Variants in SLC38A9 observed in about 807,000 individuals in gnomAD.
SLC38A9 encodes the protein solute carrier family 38 member 9, also known as neutral amino acid transporter 9.
SLC38A9 carries 48 observed loss-of-function variants against 62.3 expected under a neutral mutation model. That is an observed-to-expected ratio of 0.77 (90% CI 0.61 to 0.98). The LOEUF (loss-of-function observed/expected upper bound fraction) is 0.98, where lower values mean the gene tolerates loss of function less well. SLC38A9 is among the 50% of genes least tolerant of loss of function. The pLI is 0.00. For missense variants in SLC38A9, 541 were observed against 679.8 expected (o/e 0.80, Z 2.27); for synonymous variants, 204 against 227.7 (o/e 0.90, Z 0.94).
At chr5:55,692,483 A>AT (rs937621007) in intron 3 of SLC38A9, 3 of 278,476 alleles carry the variant, frequency 1.1e-5, no homozygotes, top group African/African-American at 2.3e-5. Context: ...AGGTACTTAC[A>AT]TTTTTTCTCA....
intron 9 of SLC38A9, among the ~76,000 whole-genome samples, chr5:55,656,218 A>T (rs1338625301): frequency 1.3e-5 from 2 of 151,430 alleles, no homozygotes; most frequent in African/African-American, 4.8e-5. Flanking sequence ...GTATTAATAA[A>T]TAAATTGAAA....
Position 55,672,617 on chromosome 5 carries a change from C to G in SLC38A9, c.192G>C (p.Met64Ile), listed in dbSNP as rs921072949. 4 of 1,613,994 alleles carry G rather than the reference C, an allele frequency of 2.5e-6. No individual in the cohort carries two copies. In the African/African-American group the frequency reaches 4.0e-5, roughly 16 times the overall value. ...GGCTGTAGTAATGAATTCTCTTGTT[C>G]ATGGCAGAGGCATGGTCACTAACCC... ...IQRVSDHASA[M>I]NKRIHYYSRL... The change falls in exon 4 of 16, where the codon ATG becomes ATC. Residue 64 changes from methionine to isoleucine, a missense_variant. Transcript: ENST00000396865.
chr5:55,669,549 A>T lies in SLC38A9; in HGVS notation c.432+8T>A, dbSNP rs199841280. 1.1e-5 allele frequency: 17 copies of T among 1,596,324 alleles called. No individual in the cohort carries two copies. In the Admixed American group the frequency reaches 1.7e-4, roughly 16 times the overall value. On this transcript the variant is annotated splice_region_variant and intron_variant, in intron 6 of 15. Coordinates refer to ENST00000396865, the MANE Select transcript of SLC38A9 (RefSeq NM_173514.4). ...TAGGCAAAAAGTGTGCTGAAAAATT[A>T]GTATTACCTGTTTTATGCCCCAAGG...
intron 3 of SLC38A9, among the ~76,000 whole-genome samples, chr5:55,678,818 C>T (rs951744782): frequency 1.3e-5 from 2 of 151,268 alleles, no homozygotes; most frequent in Non-Finnish European, 2.9e-5. Context: ...GTGCCACATG[C>T]CTGATTAATT....
intron 7 of SLC38A9, among the ~76,000 whole-genome samples, chr5:55,667,217 T>C (rs1416986659): frequency 9.7e-5 from 10 of 102,594 alleles, no homozygotes; most frequent in Non-Finnish European, 1.9e-4. Context: ...CTAGTTTTTA[T>C]ATTATTTAGG....
chr5:55,669,738 CA>C lies in SLC38A9; in HGVS notation c.368+19del. 6.2e-7 allele frequency: 1 copy of C among 1,607,158 alleles called. No homozygotes were observed. The stretch of plus-strand genomic sequence containing the variant: ...TCCATATACAGTTTAAGTCATGCTC[CA>C]AAAAGCAGTTTCACTCACATGGTTA... On this transcript the variant is annotated intron_variant, in intron 5 of 15. Transcript: ENST00000396865.
intron 3 of SLC38A9, among the ~76,000 whole-genome samples, chr5:55,682,504 A>G (rs1165007869): frequency 6.6e-6 from 1 of 152,204 alleles, no homozygotes; most frequent in East Asian, 1.9e-4. Context: ...AAATATATAC[A>G]TGTATAGGCT....
At chr5:55,645,248 T>TCTAA (rs1351839923) in intron 12 of SLC38A9, among the ~76,000 whole-genome samples, 1 of 152,060 alleles carries the variant, frequency 6.6e-6, no homozygotes, top group East Asian at 1.9e-4. Flanking sequence ...AGAGACAGGG[T>TCTAA]CTAACCATGT....
intron 1 of SLC38A9, among the ~76,000 whole-genome samples, chr5:55,711,760 G>C (rs1427914218): frequency 6.6e-6 from 1 of 152,100 alleles, no homozygotes; most frequent in Non-Finnish European, 1.5e-5. Flanking sequence ...AGCCGTGATC[G>C]CGCCACCTCA....
intron 14 of SLC38A9, among the ~76,000 whole-genome samples, chr5:55,629,432 A>T (rs1743035456): frequency 6.6e-6 from 1 of 152,196 alleles, no homozygotes; most frequent in Non-Finnish European, 1.5e-5. Context: ...AAAGTCCTTG[A>T]TAAAGGAGTA....
At position 55,671,717 on chromosome 5, in the gene SLC38A9, G is replaced by A. The variant is rs201016222; in HGVS notation, c.246+846C>T. Among the ~76,000 whole-genome samples, 13 of 152,020 alleles carry A rather than the reference G, an allele frequency of 8.6e-5. No homozygotes were observed. In the East Asian group the frequency reaches 1.5e-3, roughly 18 times the overall value. Reference sequence around the variant, plus strand: ...ACAAAAATGAGCCAGGTGTGGTGGCGCACACCTGTAACCCCAGCTACTCAG... The same window carrying A: ...ACAAAAATGAGCCAGGTGTGGTGGCACACACCTGTAACCCCAGCTACTCAG... On this transcript the variant is annotated intron_variant, in intron 4 of 15. Coordinates refer to ENST00000396865, the MANE Select transcript of SLC38A9 (RefSeq NM_173514.4).
In SLC38A9 at chr5:55,695,412, C is replaced by A. The variant is rs189227819; in HGVS notation, c.113+2434G>T. ...TGGTTTTCCTAGGCAGAGGACCCTGCGGCCTTCTGCAGCGGTTGTGTCCCT... is the reference window on the plus strand; with the variant it reads ...TGGTTTTCCTAGGCAGAGGACCCTGAGGCCTTCTGCAGCGGTTGTGTCCCT... On this transcript the variant is annotated intron_variant, in intron 3 of 15. Coordinates refer to ENST00000396865, the MANE Select transcript of SLC38A9 (RefSeq NM_173514.4). Among the ~76,000 whole-genome samples, 4 of 88,502 alleles carry A rather than the reference C, an allele frequency of 4.5e-5. No homozygotes were observed. In the East Asian group the frequency reaches 1.1e-3, roughly 24 times the overall value. 58.1% of individuals were successfully genotyped at this position (88,502 alleles called of 152,430 possible).
At chr5:55,700,218 G>C (rs921356250) in intron 2 of SLC38A9, among the ~76,000 whole-genome samples, 9 of 151,982 alleles carry the variant, frequency 5.9e-5, no homozygotes, top group African/African-American at 2.2e-4. Flanking sequence ...GTGGGCGCCT[G>C]TAATTCCAGC....
At chr5:55,702,834 T>G (rs1756838119) in intron 2 of SLC38A9, 1 of 152,170 alleles carries the variant, frequency 6.6e-6, no homozygotes, top group Admixed American at 6.6e-5. Context: ...CACTTCCCTT[T>G]TCTCTTCTGC....
chr5:55,687,426 CAAAAAAAAAAAA>C (rs34476189), intron 3 of SLC38A9, among the ~76,000 whole-genome samples: 3 of 76,394 alleles, frequency 3.9e-5, no homozygotes, highest in African/African-American at 1.6e-4. Flanking sequence ...GACTCCGTCT[CAAAAAAAAAAAA>C]AAAAAAAAAA....
At chr5:55,636,770 G>T (rs887124292) in intron 12 of SLC38A9, among the ~76,000 whole-genome samples, 13 of 152,192 alleles carry the variant, frequency 8.5e-5, no homozygotes, top group African/African-American at 2.9e-4. Flanking sequence ...CAATCAGCTT[G>T]AAAGTAAGTT....
chr5:55,651,481 C>G (rs1747470786), intron 10 of SLC38A9, among the ~76,000 whole-genome samples: 1 of 151,902 alleles, frequency 6.6e-6, no homozygotes, highest in African/African-American at 2.4e-5. Flanking sequence ...AACTCCTGAC[C>G]TCGTGATCCA....
intron 12 of SLC38A9, among the ~76,000 whole-genome samples, chr5:55,639,008 T>C (rs1350338046): frequency 1.3e-5 from 2 of 152,030 alleles, no homozygotes; most frequent in African/African-American, 4.8e-5. Flanking sequence ...CTTTTTTTGG[T>C]AAGATACGAC....
intron 7 of SLC38A9, among the ~76,000 whole-genome samples, chr5:55,666,548 T>C (rs1750492567): frequency 6.6e-6 from 1 of 152,162 alleles, no homozygotes; most frequent in Non-Finnish European, 1.5e-5. Flanking sequence ...GACATTAGAA[T>C]ATGAGAATTC....
Sources: allele counts gnomAD v4.1 joint callset (sites outside exome capture counted in the v4.1 genomes callset), GRCh38; gene constraint gnomAD v4.1.1; transcripts MANE v1.5; gene names NCBI Gene and HGNC (gene_info 2026-07-23, HGNC 2026-07-21).